The following LYRM1 variants were observed in gnomAD, a reference collection of about 807,000 sequenced individuals.
LYRM1 encodes the protein LYR motif containing 1, also known as LYR motif-containing protein 1.
In LYRM1, 14 loss-of-function variants were observed where a neutral mutation model predicts 14.9. The ratio of observed to expected loss-of-function variants is 0.94; its 90% CI spans 0.62 to 1.47. LYRM1 has a LOEUF of 1.47. Among genes scored for constraint, LYRM1 ranks in the 40% most tolerant of loss-of-function variants. The pLI is 0.00. For missense variants in LYRM1, 153 were observed against 149.9 expected (o/e 1.02, Z -0.11); for synonymous variants, 43 against 56.2 (o/e 0.77, Z 1.05).
chr16:20,921,232 A>C (rs1418468773), intron 3 of LYRM1: 1 of 152,120 alleles, frequency 6.6e-6, no homozygotes, highest in African/African-American at 2.4e-5. Context: ...TGGGACTACA[A>C]GCATGTGCCA....
intron 1 of LYRM1, among the ~76,000 whole-genome samples, chr16:20,915,096 A>G (rs1353076402): frequency 2.6e-5 from 4 of 152,210 alleles, no homozygotes; most frequent in African/African-American, 7.2e-5. Context: ...CGGTGTTTCT[A>G]TTAGATGGTT....
intron 1 of LYRM1, among the ~76,000 whole-genome samples, chr16:20,912,207 G>A (rs2082626649): frequency 6.6e-6 from 1 of 152,082 alleles, no homozygotes; most frequent in Non-Finnish European, 1.5e-5. Flanking sequence ...CTCCCAAAGT[G>A]CTGGGATTAC....
At chr16:20,914,483 G>A (rs1293216172) in intron 1 of LYRM1, among the ~76,000 whole-genome samples, 1 of 137,952 alleles carries the variant, frequency 7.2e-6, no homozygotes, top group Non-Finnish European at 1.5e-5. Flanking sequence ...TTGTATTTTA[G>A]TAGAGACAAG....
chr16:20,922,196 G>A (rs1276203427), intron 3 of LYRM1, among the ~76,000 whole-genome samples: 3 of 151,692 alleles, frequency 2.0e-5, no homozygotes, highest in African/African-American at 7.3e-5. Context: ...CACCATGTTG[G>A]CCAGGCTGGT....
chr16:20,923,440 A>G (rs1042855907), intron 3 of LYRM1, among the ~76,000 whole-genome samples: 2 of 148,848 alleles, frequency 1.3e-5, no homozygotes, highest in African/African-American at 4.9e-5. Flanking sequence ...CCGAGGTTGC[A>G]GTGAACTGAG....
intron 2 of LYRM1, among the ~76,000 whole-genome samples, chr16:20,916,363 A>C (rs561214832): frequency 9.2e-5 from 14 of 152,132 alleles, no homozygotes; most frequent in Non-Finnish European, 1.9e-4. Context: ...ACCTCCCGGC[A>C]CTAAGCATGG....
chr16:20,912,216 A>G (rs1018704989), intron 1 of LYRM1, among the ~76,000 whole-genome samples: 24 of 152,134 alleles, frequency 1.6e-4, no homozygotes, highest in Admixed American at 1.2e-3. Flanking sequence ...TGCTGGGATT[A>G]CAGGCATGAG....
chr16:20,911,673 G>T (rs1294818720), intron 1 of LYRM1, among the ~76,000 whole-genome samples: 1 of 151,934 alleles, frequency 6.6e-6, no homozygotes, highest in Non-Finnish European at 1.5e-5. Context: ...TTCCAGTAGT[G>T]GGACTTTTTT....
intron 1 of LYRM1, among the ~76,000 whole-genome samples, chr16:20,910,780 A>C (rs980232171): frequency 6.6e-6 from 1 of 152,144 alleles, no homozygotes; most frequent in Admixed American, 6.5e-5. Flanking sequence ...CCTCTAAAAA[A>C]AAAAACAACA....
At chr16:20,912,997 C>T (rs894897589) in intron 1 of LYRM1, among the ~76,000 whole-genome samples, 5 of 151,320 alleles carry the variant, frequency 3.3e-5, no homozygotes, top group Non-Finnish European at 7.4e-5. Flanking sequence ...ACCTGGGAGG[C>T]GGAGGTTGCA....
chr16:20,922,388 C>G (rs929151429), intron 3 of LYRM1, among the ~76,000 whole-genome samples: 2 of 152,154 alleles, frequency 1.3e-5, no homozygotes, highest in Non-Finnish European at 2.9e-5. Flanking sequence ...AAGATATGTA[C>G]ATCTAGGGAC....
chr16:20,922,678 T>C (rs1476593534), intron 3 of LYRM1, among the ~76,000 whole-genome samples: 4 of 151,412 alleles, frequency 2.6e-5, no homozygotes, highest in African/African-American at 4.9e-5. Flanking sequence ...TTAGTAGATA[T>C]AGGGTTTCAC....
At chr16:20,915,529 C>T (rs759931445) in intron 1 of LYRM1, 27 bp from the exon 2 acceptor site, 2 of 1,590,084 alleles carry the variant, frequency 1.3e-6, no homozygotes, top group South Asian at 1.1e-5. Context: ...TGCAAATTTT[C>T]CCTCTTCTAT....
At chr16:20,910,867 TTCCG>T (rs2082558584) in intron 1 of LYRM1, among the ~76,000 whole-genome samples, 1 of 152,196 alleles carries the variant, frequency 6.6e-6, no homozygotes. Context: ...GTCAAGGAAG[TTCCG>T]TCTGTTAATG....
At chr16:20,922,239 C>T (rs540534567) in intron 3 of LYRM1, among the ~76,000 whole-genome samples, 89 of 152,184 alleles carry the variant, frequency 5.8e-4, no homozygotes, top group South Asian at 2.1e-3. Context: ...ATCCGCCTGC[C>T]TTGGCCTCCT....
intron 1 of LYRM1, among the ~76,000 whole-genome samples, chr16:20,910,087 A>G (rs1480715447): frequency 6.6e-6 from 1 of 152,206 alleles, no homozygotes; most frequent in Non-Finnish European, 1.5e-5. Context: ...GAACGGCAGG[A>G]TGGATAGGGT....
chr16:20,901,790 G>C lies in LYRM1; in HGVS notation c.-1+901G>C, dbSNP rs747473593. Among the ~76,000 whole-genome samples, 26 of 149,702 alleles carry C rather than the reference G, an allele frequency of 1.7e-4. No individual in the cohort carries two copies. Among genetic ancestry groups the C allele is most frequent in the Non-Finnish European group, 2.9e-4 (20 of 68,022 alleles). On this transcript the variant is annotated intron_variant, in intron 1 of 3. Coordinates refer to ENST00000567954, the MANE Select transcript of LYRM1 (RefSeq NM_001128302.3). The surrounding 1 kb of genome is among the most constrained non-coding windows in gnomAD (Gnocchi z 4.6). Reference sequence around the variant, plus strand: ...AGGGTGGAAGTAGTTAGACCTGTTAGGAGACTGTTGCACTGTAAGACAAAG... The same window carrying C: ...AGGGTGGAAGTAGTTAGACCTGTTACGAGACTGTTGCACTGTAAGACAAAG...
Position 20,924,058 on chromosome 16 carries a change from A to G in LYRM1, c.311A>G (p.Glu104Gly). 1.2e-6 allele frequency: 2 copies of G among 1,613,780 alleles called. No homozygotes were observed. The highest frequency in any genetic ancestry group is 1.7e-6 in the Non-Finnish European group (2 of 1,179,758). ...CGAGGCCGGGGACTTCGAAGCCAAG[A>G]GAAACTGAGGAAACTTTCCAAACCA... Reference protein sequence around the residue: ...PLRGRGLRSQEKLRKLSKPVY... With the variant: ...PLRGRGLRSQGKLRKLSKPVY... The change falls in exon 4 of 4, where the codon GAG becomes GGG. Residue 104 changes from glutamate to glycine, a missense_variant. Glu to Gly is a moderately conservative substitution (Grantham distance 98). Coordinates refer to ENST00000567954, the MANE Select transcript of LYRM1 (RefSeq NM_001128302.3).
chr16:20,908,260 G>A (rs2082420194), intron 1 of LYRM1, among the ~76,000 whole-genome samples: 1 of 152,198 alleles, frequency 6.6e-6, no homozygotes, highest in South Asian at 2.1e-4. Context: ...GGCAAATGGG[G>A]AAGGCTATTG....
Sources: gnomAD v4.1 joint callset for allele counts (sites outside exome capture counted in the v4.1 genomes callset) on GRCh38, gnomAD v4.1.1 for gene constraint, Gnocchi (gnomAD v3.1) non-coding constraint, MANE v1.5 for transcripts, NCBI Gene and HGNC (gene_info 2026-07-23, HGNC 2026-07-21) for gene names.